The following RAB38 variants were observed in gnomAD, a reference collection of about 807,000 sequenced individuals.
RAB38 encodes the protein ras-related protein Rab-38.
In RAB38, 15 loss-of-function variants were observed where a neutral mutation model predicts 18.4. That is an observed-to-expected ratio of 0.82 (90% confidence interval 0.55 to 1.26). The LOEUF (loss-of-function observed/expected upper bound fraction) is 1.26, where lower values mean the gene tolerates loss of function less well. Ranked by LOEUF, RAB38 falls within the 50% of genes most tolerant of loss-of-function variation. The pLI is 0.00. For missense variants in RAB38, 294 were observed against 267.4 expected, an observed-to-expected ratio of 1.10 and a Z score of -0.69; for synonymous variants, 101 against 104.4, an observed-to-expected ratio of 0.97 and a Z score of 0.20.
chr11:88,133,879 A>G (rs1266054266), intron 2 of RAB38, among the ~76,000 whole-genome samples: 3 of 152,198 alleles, frequency 2.0e-5, no homozygotes, highest in Non-Finnish European at 4.4e-5. Flanking sequence ...GCTATTTTGA[A>G]ATACACCTAT....
chr11:87,948,785 C>T, the RAB38 span, among the ~76,000 whole-genome samples: 8 of 150,766 alleles, frequency 5.3e-5, no homozygotes, highest in African/African-American at 9.8e-5. Context: ...CTGCTGGATT[C>T]GGTTTGCCAG....
chr11:87,976,415 ATATTTATATATTATGCATT>A, the RAB38 span, among the ~76,000 whole-genome samples: 2 of 136,894 alleles, frequency 1.5e-5, no homozygotes, highest in African/African-American at 5.3e-5. Context: ...ATATTTATAT[ATATTTATATATTATGCATT>A]TATATTTTTT....
At chr11:87,943,725 A>G in the RAB38 span, among the ~76,000 whole-genome samples, 2 of 152,110 alleles carry the variant, frequency 1.3e-5, no homozygotes, top group Admixed American at 1.3e-4. Context: ...GATATTTTTA[A>G]TTGGAGAAAT....
rs1284518167 is a variant in RAB38, at chr11:88,174,723, A to G, written c.202+460T>C. Among the ~76,000 whole-genome samples the G allele has an allele frequency of 2.6e-5, 4 of 152,034 alleles. No individual in the cohort carries two copies. The East Asian group carries it at 7.7e-4, about 29-fold the overall frequency. ...TTTGAAATAAAGTGAGCCACTGAAGACAGGAATGGGCAAACTCCAGCTAGC... is the reference window on the plus strand; with the variant it reads ...TTTGAAATAAAGTGAGCCACTGAAGGCAGGAATGGGCAAACTCCAGCTAGC... On this transcript the variant is annotated intron_variant, in intron 1 of 2. Transcript: ENST00000243662.
the RAB38 span, among the ~76,000 whole-genome samples, chr11:87,876,082 C>G: frequency 1.3e-4 from 19 of 151,500 alleles, no homozygotes; most frequent in African/African-American, 4.4e-4. Flanking sequence ...CCAAACTCTA[C>G]GTTTAATTAT....
chr11:87,925,852 G>C, the RAB38 span, among the ~76,000 whole-genome samples: 1 of 151,760 alleles, frequency 6.6e-6, no homozygotes, highest in African/African-American at 2.4e-5. Flanking sequence ...TGTCTATCTG[G>C]AGTGATCTGG....
At chr11:88,052,300 T>C in the RAB38 span, among the ~76,000 whole-genome samples, 1 of 152,182 alleles carries the variant, frequency 6.6e-6, no homozygotes, top group Non-Finnish European at 1.5e-5. Flanking sequence ...CAGAGATCTA[T>C]AGGTCAAAAG....
rs1210087309 is a variant in RAB38 at position 88,149,674 on chromosome 11, C to A, written c.483+1G>T. The A allele has an allele frequency of 6.2e-7, 1 of 1,605,804 alleles. No homozygotes were observed. Among genetic ancestry groups the A allele is most frequent in the South Asian group, 1.1e-5 (1 of 90,410 alleles). ...AAGCTTATTATTTAAAGTCACATTA[C>A]CTTTGCTGATGTTTCAAACCATCCT... is the stretch of plus-strand genomic sequence containing the variant. On this transcript the variant is annotated splice_donor_variant, in intron 2 of 2. Transcript: ENST00000243662. LOFTEE classifies it high-confidence loss of function.
chr11:88,149,469 C>T (rs1280585712), intron 2 of RAB38, among the ~76,000 whole-genome samples: 2 of 152,170 alleles, frequency 1.3e-5, no homozygotes, highest in Non-Finnish European at 2.9e-5. Flanking sequence ...TTGCTTTCCT[C>T]CTCTTGCCAC....
the RAB38 span, among the ~76,000 whole-genome samples, chr11:87,862,620 A>G: frequency 7.9e-5 from 12 of 151,974 alleles, no homozygotes; most frequent in African/African-American, 2.9e-4. Flanking sequence ...ACACAAGTTT[A>G]CCTATGTAAC....
the RAB38 span, among the ~76,000 whole-genome samples, chr11:87,891,300 CT>C: frequency 6.6e-6 from 1 of 151,796 alleles, no homozygotes; most frequent in Non-Finnish European, 1.5e-5. Flanking sequence ...CAATCTTCTG[CT>C]TTAGTATCAA....
the RAB38 span, among the ~76,000 whole-genome samples, chr11:87,930,654 G>A: frequency 6.6e-6 from 1 of 152,154 alleles, no homozygotes. Flanking sequence ...CCTATGTCCT[G>A]AATGGTATTG....
intron 2 of RAB38, among the ~76,000 whole-genome samples, chr11:88,123,024 C>A (rs965329696): frequency 6.6e-6 from 1 of 152,180 alleles, no homozygotes; most frequent in African/African-American, 2.4e-5. Flanking sequence ...TCATGAGATT[C>A]TTGTTAAACG....
chr11:88,122,031 A>G (rs999714871), intron 2 of RAB38, among the ~76,000 whole-genome samples: 1 of 152,200 alleles, frequency 6.6e-6, no homozygotes, highest in East Asian at 1.9e-4. Context: ...CAATTTATTT[A>G]TTTATTTTTA....
At chr11:88,048,887 G>A in the RAB38 span, among the ~76,000 whole-genome samples, 27 of 152,264 alleles carry the variant, frequency 1.8e-4, no homozygotes, top group African/African-American at 6.3e-4. Flanking sequence ...CTGGTTAGAT[G>A]TCCTAGGTCC....
At chr11:88,122,076 G>A (rs1942637932) in intron 2 of RAB38, among the ~76,000 whole-genome samples, 1 of 149,780 alleles carries the variant, frequency 6.7e-6, no homozygotes, top group Admixed American at 6.6e-5. Flanking sequence ...TTTCTGTTAA[G>A]TTCCTGGCCC....
the RAB38 span, among the ~76,000 whole-genome samples, chr11:88,008,734 C>G: frequency 6.6e-6 from 1 of 152,194 alleles, no homozygotes; most frequent in African/African-American, 2.4e-5. Context: ...AGTGCAGTGG[C>G]GCCATCTCGG....
At chr11:87,936,609 T>G in the RAB38 span, among the ~76,000 whole-genome samples, 1 of 152,114 alleles carries the variant, frequency 6.6e-6, no homozygotes, top group African/African-American at 2.4e-5. Flanking sequence ...TTTGGGTAGA[T>G]GGATTCCTTC....
chr11:87,893,302 G>GTGTA, the RAB38 span, among the ~76,000 whole-genome samples: 99 of 138,506 alleles, frequency 7.1e-4, no homozygotes, highest in Non-Finnish European at 1.1e-3. Context: ...GTGTGTGTGT[G>GTGTA]TATATATATA....
Sources: gnomAD v4.1 joint callset for allele counts (sites outside exome capture counted in the v4.1 genomes callset) on GRCh38, gnomAD v4.1.1 for gene constraint, MANE v1.5 for transcripts, NCBI Gene and HGNC (gene_info 2026-07-23, HGNC 2026-07-21) for gene names.